PLEKHG1: variants seen among roughly 807,000 people sequenced by gnomAD.
The protein encoded by PLEKHG1 is pleckstrin homology and RhoGEF domain containing G1.
A neutral mutation model predicts 100.8 loss-of-function variants in PLEKHG1; 44 were observed. The observed-to-expected ratio is 0.44, with a 90% CI of 0.34 to 0.56. The LOEUF (loss-of-function observed/expected upper bound fraction) is 0.56, where lower values mean the gene tolerates loss of function less well. Among genes scored for constraint, PLEKHG1 ranks in the 20% least tolerant of loss-of-function variants. The pLI, the probability that PLEKHG1 is intolerant of heterozygous loss-of-function variation, is 0.01. For missense variants in PLEKHG1, 1,545 were observed against 1,720.9 expected (o/e 0.90, Z 1.81); for synonymous variants, 640 against 662.5 (o/e 0.97, Z 0.52).
intron 3 of PLEKHG1, among the ~76,000 whole-genome samples, chr6:150,656,373 C>G (rs1778972053): frequency 6.6e-6 from 1 of 152,090 alleles, no homozygotes; most frequent in Non-Finnish European, 1.5e-5. Context: ...GAATTAGGAG[C>G]CTCTTGGACA....
rs775721449 is a variant in PLEKHG1 at position 150,664,966 on chromosome 6, G to A, written c.-99+14180G>A. Reference sequence around the variant, plus strand: ...GGGAACAGAGCCAGATGACAATAAGGCCAATAATTGGGCTGCTGAGAATGG... The same window carrying A: ...GGGAACAGAGCCAGATGACAATAAGACCAATAATTGGGCTGCTGAGAATGG... On this transcript the variant is annotated intron_variant, in intron 3 of 3. Transcript: ENST00000367326. Among the ~76,000 whole-genome samples the A allele has an allele frequency of 3.3e-5, 5 of 152,302 alleles. No homozygotes were observed. The South Asian group carries it at 6.2e-4, about 19-fold the overall frequency.
At chr6:150,736,583 A>G (rs921240705) in intron 2 of PLEKHG1, among the ~76,000 whole-genome samples, 6 of 152,214 alleles carry the variant, frequency 3.9e-5, no homozygotes, top group Admixed American at 1.3e-4. Flanking sequence ...AGCCTGGACA[A>G]CATGGTGAAA....
chr6:150,705,370 A>G (rs999880878), intron 3 of PLEKHG1, among the ~76,000 whole-genome samples: 1 of 152,272 alleles, frequency 6.6e-6, no homozygotes, highest in African/African-American at 2.4e-5. Flanking sequence ...GGATTTATCC[A>G]TGCAGAAAAG....
intron 3 of PLEKHG1, among the ~76,000 whole-genome samples, chr6:150,675,684 G>A (rs188751355): frequency 1.7e-4 from 26 of 152,236 alleles, no homozygotes; most frequent in Admixed American, 5.9e-4. Flanking sequence ...ATGGGGTTTC[G>A]CCATGTTGGC....
chr6:150,631,170 T>C (rs990917910), intron 1 of PLEKHG1, among the ~76,000 whole-genome samples: 2 of 152,242 alleles, frequency 1.3e-5, no homozygotes, highest in Non-Finnish European at 2.9e-5. Context: ...CTGCATCTTC[T>C]GTGGCTGTGT....
chr6:150,779,137 G>C (rs1188247005), intron 3 of PLEKHG1, among the ~76,000 whole-genome samples: 1 of 151,974 alleles, frequency 6.6e-6, no homozygotes, highest in African/African-American at 2.4e-5. Flanking sequence ...TAAAATTAGG[G>C]ATCGGAACTG....
At chr6:150,807,249 A>G (rs1161535278) in intron 7 of PLEKHG1, among the ~76,000 whole-genome samples, 2 of 152,182 alleles carry the variant, frequency 1.3e-5, no homozygotes, top group Non-Finnish European at 1.5e-5. Context: ...TTAGAGGTCA[A>G]TACTATCCCC....
intron 1 of PLEKHG1, among the ~76,000 whole-genome samples, chr6:150,721,399 ATT>A (rs11374899): frequency 6.6e-6 from 1 of 151,636 alleles, no homozygotes; most frequent in Non-Finnish European, 1.5e-5. Flanking sequence ...CTGGAAGATG[ATT>A]TTTTTCTCCC....
intron 3 of PLEKHG1, among the ~76,000 whole-genome samples, chr6:150,680,305 T>C (rs1396283665): frequency 6.6e-6 from 1 of 151,576 alleles, no homozygotes; most frequent in East Asian, 1.9e-4. Context: ...ATATGTGGAG[T>C]GATGGAAAAA....
intron 2 of PLEKHG1, among the ~76,000 whole-genome samples, chr6:150,760,371 G>C (rs1006746379): frequency 6.6e-6 from 1 of 152,132 alleles, no homozygotes; most frequent in Admixed American, 6.6e-5. Flanking sequence ...AATAAAAAGC[G>C]TGTAAAGTTA....
In PLEKHG1 at chr6:150,768,750, T is replaced by C. The variant is rs551150278; in HGVS notation, c.512+12T>C. The C allele has an allele frequency of 2.9e-6, 4 of 1,401,294 alleles. No homozygotes were observed. The African/African-American group carries it at 5.6e-5, about 20-fold the overall frequency. 86.8% of individuals were successfully genotyped at this position (1,401,294 alleles called of 1,614,324 possible). A position where few individuals can be genotyped will look rare whatever the true frequency, so the allele number is the denominator to read the frequency against. On this transcript the variant is annotated intron_variant, in intron 3 of 15. Transcript: ENST00000358517. ...TACCACTTCAATAGGTAAGTTAATA[T>C]TCAAAAGATTGTTCTCACATACGAG...
chr6:150,777,508 C>T (rs1785050481), intron 3 of PLEKHG1, among the ~76,000 whole-genome samples: 2 of 148,592 alleles, frequency 1.3e-5, no homozygotes, highest in African/African-American at 2.5e-5. Flanking sequence ...ATTACTCACA[C>T]TGATGCAATC....
At chr6:150,609,576 C>T (rs1233546740) in intron 1 of PLEKHG1, among the ~76,000 whole-genome samples, 1 of 152,036 alleles carries the variant, frequency 6.6e-6, no homozygotes, top group Non-Finnish European at 1.5e-5. Context: ...TTATGCAGGT[C>T]TTTATAACAT....
chr6:150,630,702 T>A (rs1222654747), intron 1 of PLEKHG1, among the ~76,000 whole-genome samples: 2 of 152,006 alleles, frequency 1.3e-5, no homozygotes, highest in Non-Finnish European at 2.9e-5. Flanking sequence ...GGGGCCGGTG[T>A]GGAAATACAC....
exon 2 of PLEKHG1, chr6:150,733,655 C>T (rs755349034): frequency 6.2e-6 from 10 of 1,613,912 alleles, no homozygotes; most frequent in Admixed American, 3.3e-5. Flanking sequence ...GACAGCCAGG[C>T]GTTCCTGCCC....
intron 1 of PLEKHG1, among the ~76,000 whole-genome samples, chr6:150,636,532 A>T (rs1232302230): frequency 6.6e-6 from 1 of 150,860 alleles, no homozygotes; most frequent in African/African-American, 2.4e-5. Context: ...CTTTTCTGTG[A>T]TCATTCATCC....
intron 1 of PLEKHG1, among the ~76,000 whole-genome samples, chr6:150,724,303 T>G (rs914117422): frequency 6.6e-6 from 1 of 152,192 alleles, no homozygotes; most frequent in Non-Finnish European, 1.5e-5. Flanking sequence ...GGCCAATATC[T>G]AAAGGCAGAG....
chr6:150,824,913 C>T (rs1168506540), intron 14 of PLEKHG1, among the ~76,000 whole-genome samples: 1 of 151,932 alleles, frequency 6.6e-6, no homozygotes, highest in African/African-American at 2.4e-5. Context: ...TGTTTGGAAA[C>T]GTGTGAAACT....
At chr6:150,750,433 A>G (rs1005417547) in intron 2 of PLEKHG1, among the ~76,000 whole-genome samples, 25 of 152,170 alleles carry the variant, frequency 1.6e-4, no homozygotes, top group Non-Finnish European at 3.4e-4. Context: ...TGCAGATTCC[A>G]GTAGACGATC....
Sources: allele counts gnomAD v4.1 joint callset (sites outside exome capture counted in the v4.1 genomes callset), GRCh38; gene constraint gnomAD v4.1.1; transcripts MANE v1.5; gene names NCBI Gene and HGNC (gene_info 2026-07-23, HGNC 2026-07-21).